The following PRDM5 variants were observed in gnomAD, a reference collection of about 807,000 sequenced individuals.
PRDM5 encodes PR/SET domain 5.
PRDM5 carries 56 observed loss-of-function variants against 81.2 expected under a neutral mutation model. The ratio of observed to expected loss-of-function variants is 0.69; its 90% CI spans 0.56 to 0.86. The LOEUF is 0.86. PRDM5 is among the 40% of genes least tolerant of loss of function. PRDM5 has a pLI of 0.00. For synonymous variants in PRDM5, 267 were observed against 256.4 expected (o/e 1.04, Z -0.39); for missense variants, 697 against 770.1 (o/e 0.91, Z 1.12).
At chr4:120,875,111 G>T (rs142444390) in intron 2 of PRDM5, among the ~76,000 whole-genome samples, 24 of 152,342 alleles carry the variant, frequency 1.6e-4, no homozygotes, top group Non-Finnish European at 2.9e-4. Flanking sequence ...CCTCCCTGAT[G>T]AACTGGCTAG....
At chr4:120,713,778 A>C (rs924173696) in intron 14 of PRDM5, among the ~76,000 whole-genome samples, 1 of 152,194 alleles carries the variant, frequency 6.6e-6, no homozygotes, top group African/African-American at 2.4e-5. Flanking sequence ...GCCGTAATAA[A>C]ATACCATACA....
intron 14 of PRDM5, among the ~76,000 whole-genome samples, chr4:120,711,265 GA>G (rs1736935319): frequency 6.6e-6 from 1 of 152,020 alleles, no homozygotes; most frequent in Admixed American, 6.6e-5. Context: ...GATTTTGGGG[GA>G]TAAGTTTAAA....
chr4:120,741,574 T>G (rs113827716), intron 14 of PRDM5, among the ~76,000 whole-genome samples: 1 of 151,836 alleles, frequency 6.6e-6, no homozygotes, highest in Non-Finnish European at 1.5e-5. Flanking sequence ...GTGCGCGCAC[T>G]GTGCACGAGC....
At chr4:120,701,098 C>G (rs1255884357) in intron 15 of PRDM5, among the ~76,000 whole-genome samples, 1 of 151,514 alleles carries the variant, frequency 6.6e-6, no homozygotes, top group Non-Finnish European at 1.5e-5. Context: ...GAACTCCAGC[C>G]TGGGCGACAG....
intron 10 of PRDM5, among the ~76,000 whole-genome samples, chr4:120,789,212 A>C (rs1949111): frequency 0.2 from 30,283 of 152,170 alleles, 3,670 homozygotes; most frequent in Non-Finnish European, 0.28. Flanking sequence ...TCTTTTGCAG[A>C]TATAAAAAAT....
At chr4:120,826,118 G>A (rs1307261186) in intron 3 of PRDM5, among the ~76,000 whole-genome samples, 1 of 152,106 alleles carries the variant, frequency 6.6e-6, no homozygotes, top group Non-Finnish European at 1.5e-5. Flanking sequence ...CATATTCCCA[G>A]AGACGACTCC....
chr4:120,825,184 AT>A (rs1325652122), intron 3 of PRDM5, among the ~76,000 whole-genome samples: 2 of 152,166 alleles, frequency 1.3e-5, no homozygotes, highest in Non-Finnish European at 2.9e-5. Context: ...AATGGAGAAA[AT>A]AGTAGTGCCT....
intron 14 of PRDM5, among the ~76,000 whole-genome samples, chr4:120,711,730 C>T (rs34616798): frequency 0.22 from 33,134 of 151,916 alleles, 3,879 homozygotes; most frequent in Non-Finnish European, 0.28. Flanking sequence ...CAAAGAAGTA[C>T]CTCAAAATGA....
intron 8 of PRDM5, among the ~76,000 whole-genome samples, chr4:120,808,750 C>A (rs1422028308): frequency 6.6e-6 from 1 of 152,186 alleles, no homozygotes; most frequent in Non-Finnish European, 1.5e-5. Flanking sequence ...CCCGTGCCCT[C>A]CCCTACAGGG....
chr4:120,839,392 G>T (rs1208329520), intron 3 of PRDM5: 21 of 671,122 alleles, frequency 3.1e-5, no homozygotes, highest in African/African-American at 5.3e-5. Context: ...CCACAGGCAG[G>T]GTATACCAAT....
intron 1 of PRDM5, among the ~76,000 whole-genome samples, chr4:120,918,896 T>C: frequency 6.6e-6 from 1 of 152,154 alleles, no homozygotes; most frequent in Non-Finnish European, 1.5e-5. Context: ...GATATAATTT[T>C]AGAAAAGGAG....
At chr4:120,839,096 A>G (rs2149387440) in intron 3 of PRDM5, 2 of 606,868 alleles carry the variant, frequency 3.3e-6, no homozygotes, top group Admixed American at 5.1e-5. Context: ...GAACTGCAGC[A>G]CCCCAAAGAA....
chr4:120,695,421 T>C, intron 15 of PRDM5, 146 bp from the exon 16 acceptor site: 1 of 855,766 alleles, frequency 1.2e-6, no homozygotes, highest in East Asian at 2.7e-5. Context: ...CCTTCCCTTT[T>C]CCCAGCTGCT....
chr4:120,875,676 T>C (rs1315011227), intron 2 of PRDM5, among the ~76,000 whole-genome samples: 2 of 152,188 alleles, frequency 1.3e-5, no homozygotes, highest in African/African-American at 2.4e-5. Flanking sequence ...GAGAGTATGA[T>C]GTGAAAGAAA....
intron 14 of PRDM5, among the ~76,000 whole-genome samples, chr4:120,718,121 A>G (rs182151574): frequency 6.6e-6 from 1 of 152,322 alleles, no homozygotes; most frequent in Non-Finnish European, 1.5e-5. Flanking sequence ...CTCTGTGGTT[A>G]TATCTTCTGT....
chr4:120,725,396 C>T (rs9942297), intron 14 of PRDM5, among the ~76,000 whole-genome samples: 152 of 152,048 alleles, frequency 1.0e-3, no homozygotes, highest in African/African-American at 3.1e-3. Context: ...ATACTTCACA[C>T]CTCTGCAAAA....
intron 2 of PRDM5, among the ~76,000 whole-genome samples, chr4:120,863,189 TATACACACACACACACACACACACACAC>T (rs377178702): frequency 1.1e-4 from 4 of 37,362 alleles, no homozygotes; most frequent in African/African-American, 3.0e-4. Flanking sequence ...TATATATATA[TATACACACACACACACACACACACACAC>T]ACACACACAT....
rs2148981734 is a variant in PRDM5 at position 120,693,362 on chromosome 4, A to T, written c.*1749T>A. ...ACAGCTGTCTTTTTATATTCAAATG[A>T]TATTAAACACACTATCATATTAAAA... On this transcript the variant is annotated 3_prime_UTR_variant, in exon 16 of 16. Transcript: ENST00000264808. 6.6e-6 allele frequency: 1 copy of T among 152,258 alleles called. No homozygotes were observed. Among genetic ancestry groups the T allele is most frequent in the South Asian group, 2.1e-4 (1 of 4,830 alleles). 9.4% of individuals were successfully genotyped at this position (152,258 alleles called of 1,614,324 possible). A position where few individuals can be genotyped will look rare whatever the true frequency, so the allele number is the denominator to read the frequency against.
intron 1 of PRDM5, among the ~76,000 whole-genome samples, chr4:120,911,278 T>C (rs949590018): frequency 3.3e-5 from 5 of 152,224 alleles, no homozygotes; most frequent in African/African-American, 1.2e-4. Context: ...CAAATTTGTG[T>C]GTGAAATCAC....
Sources: gnomAD v4.1 joint callset for allele counts (sites outside exome capture counted in the v4.1 genomes callset) on GRCh38, gnomAD v4.1.1 for gene constraint, MANE v1.5 for transcripts, NCBI Gene and HGNC (gene_info 2026-07-23, HGNC 2026-07-21) for gene names.